SPAG16: variants seen among roughly 807,000 people sequenced by gnomAD.
SPAG16 encodes sperm associated antigen 16.
Under a neutral mutation model 80.4 loss-of-function variants are expected in SPAG16, and 86 were observed. That is an observed-to-expected ratio of 1.07 (90% CI 0.90 to 1.28). The LOEUF (loss-of-function observed/expected upper bound fraction) is 1.28, where lower values mean the gene tolerates loss of function less well. SPAG16 is among the 50% of genes most tolerant of loss of function. The pLI is 0.00. For missense variants in SPAG16, 870 were observed against 765.3 expected (o/e 1.14, Z -1.61); for synonymous variants, 294 against 265.9 (o/e 1.11, Z -1.03).
At chr2:213,319,066 G>A (rs2063516019) in intron 5 of SPAG16, among the ~76,000 whole-genome samples, 1 of 151,898 alleles carries the variant, frequency 6.6e-6, no homozygotes, top group Admixed American at 6.6e-5. Context: ...TTAACTTGGG[G>A]TGAATCTGCT....
At chr2:213,804,444 G>T (rs965718902) in intron 10 of SPAG16, among the ~76,000 whole-genome samples, 1 of 152,324 alleles carries the variant, frequency 6.6e-6, no homozygotes, top group East Asian at 1.9e-4. Flanking sequence ...AGCACTTTGG[G>T]AGGCCGAGGC....
At chr2:214,311,074 G>A (rs1490574490) in intron 15 of SPAG16, among the ~76,000 whole-genome samples, 1 of 152,204 alleles carries the variant, frequency 6.6e-6, no homozygotes, top group Non-Finnish European at 1.5e-5. Context: ...GACAGTGGGA[G>A]ATCCATTTCT....
chr2:213,709,805 G>T (rs1054206171), intron 10 of SPAG16, among the ~76,000 whole-genome samples: 4 of 152,092 alleles, frequency 2.6e-5, no homozygotes, highest in African/African-American at 9.7e-5. Context: ...AAGAATATTT[G>T]ATTTCATAAT....
chr2:213,956,484 G>A (rs1162627385), intron 12 of SPAG16, among the ~76,000 whole-genome samples: 1 of 122,072 alleles, frequency 8.2e-6, no homozygotes. Flanking sequence ...GTCTCACTCT[G>A]TCACCCAGGC....
At chr2:214,222,110 CTTTTTTTTTTT>C (rs10694178) in intron 15 of SPAG16, among the ~76,000 whole-genome samples, 3 of 103,628 alleles carry the variant, frequency 2.9e-5, no homozygotes, top group South Asian at 3.6e-4. Context: ...CCTTGCTATT[CTTTTTTTTTTT>C]TTTTTTTTTT....
At chr2:214,349,344 T>C (rs1698259207) in intron 15 of SPAG16, among the ~76,000 whole-genome samples, 1 of 152,236 alleles carries the variant, frequency 6.6e-6, no homozygotes, top group Admixed American at 6.5e-5. Context: ...ATAAATGCAG[T>C]CATACAATAT....
At chr2:214,120,107 T>C (rs1442333997) in intron 14 of SPAG16, among the ~76,000 whole-genome samples, 1 of 151,962 alleles carries the variant, frequency 6.6e-6, no homozygotes, top group East Asian at 1.9e-4. Context: ...CATTATGTTA[T>C]TAAATATTGT....
intron 14 of SPAG16, among the ~76,000 whole-genome samples, chr2:214,108,474 CACA>C (rs1250325387): frequency 2.5e-4 from 22 of 88,476 alleles, no homozygotes; most frequent in Non-Finnish European, 4.0e-4. Flanking sequence ...CACACACACA[CACA>C]CACCCCCACA....
intron 13 of SPAG16, among the ~76,000 whole-genome samples, chr2:214,078,615 T>A (rs897149239): frequency 1.3e-5 from 2 of 152,152 alleles, no homozygotes; most frequent in African/African-American, 4.8e-5. Context: ...TGCTTTTATT[T>A]TACTTTTCTC....
chr2:213,775,137 G>A (rs1235978345), intron 10 of SPAG16, among the ~76,000 whole-genome samples: 6 of 152,266 alleles, frequency 3.9e-5, no homozygotes, highest in African/African-American at 7.2e-5. Context: ...TGCCAAAGAC[G>A]AAAGCATCCT....
intron 6 of SPAG16, among the ~76,000 whole-genome samples, chr2:213,341,188 C>T (rs75835044): frequency 0.011 from 1,633 of 152,216 alleles, 31 homozygotes; most frequent in African/African-American, 0.036. Context: ...AAAAACATCT[C>T]CATTTAACAA....
At chr2:213,795,105 T>C (rs1184810475) in intron 10 of SPAG16, among the ~76,000 whole-genome samples, 1 of 152,190 alleles carries the variant, frequency 6.6e-6, no homozygotes, top group Admixed American at 6.5e-5. Flanking sequence ...CATTTCAGTA[T>C]ATCATTATAG....
At chr2:213,742,136 A>AT (rs11381205) in intron 10 of SPAG16, among the ~76,000 whole-genome samples, 147,853 of 148,422 alleles carry the variant, frequency 1, 73,642 homozygotes, top group Non-Finnish European at 1. Context: ...TGTGTTTAGT[A>AT]TTTTTTTTTT....
intron 10 of SPAG16, among the ~76,000 whole-genome samples, chr2:213,686,674 C>CTTTTTTTT (rs748200040): frequency 3.5e-5 from 3 of 86,104 alleles, no homozygotes; most frequent in Non-Finnish European, 4.9e-5. Context: ...ATTAATCCAC[C>CTTTTTTTT]TTTTTTTTTT....
chr2:213,390,882 A>G (rs1019068739), intron 9 of SPAG16, among the ~76,000 whole-genome samples: 1 of 152,232 alleles, frequency 6.6e-6, no homozygotes, highest in African/African-American at 2.4e-5. Context: ...TATAGCTATT[A>G]AAATAACAGC....
intron 10 of SPAG16, among the ~76,000 whole-genome samples, chr2:213,656,511 A>G (rs1223396398): frequency 6.6e-6 from 1 of 152,184 alleles, no homozygotes; most frequent in African/African-American, 2.4e-5. Context: ...AGATTTGCAC[A>G]TTTTTACCTC....
At chr2:214,201,237 T>C (rs546101933) in intron 15 of SPAG16, among the ~76,000 whole-genome samples, 1 of 152,286 alleles carries the variant, frequency 6.6e-6, no homozygotes, top group Non-Finnish European at 1.5e-5. Context: ...AAATCCAAAA[T>C]AGAGATTCCT....
At chr2:213,563,237 T>G (rs1436484291) in intron 10 of SPAG16, among the ~76,000 whole-genome samples, 1 of 152,232 alleles carries the variant, frequency 6.6e-6, no homozygotes, top group Non-Finnish European at 1.5e-5. Flanking sequence ...TCTGATTGCT[T>G]CTTTTAAATG....
Position 213,562,744 on chromosome 2 carries a change from C to T in SPAG16, c.1070+72654C>T, listed in dbSNP as rs115833633. Among the ~76,000 whole-genome samples the T allele has an allele frequency of 7.3e-4, 111 of 152,010 alleles. 2 individuals are homozygous for T. The highest frequency in any genetic ancestry group is 3.4e-3 in the Middle Eastern group (1 of 294). On this transcript the variant is annotated intron_variant, in intron 10 of 15. Coordinates refer to ENST00000331683, the MANE Select transcript of SPAG16 (RefSeq NM_024532.5). ...GGGGCAGATCTGATGCCTGGTGAGGCCAATGTCATATTTATAGATGGTGCT... is the reference window on the plus strand; with the variant it reads ...GGGGCAGATCTGATGCCTGGTGAGGTCAATGTCATATTTATAGATGGTGCT...
Sources: gnomAD v4.1 joint callset for allele counts (sites outside exome capture counted in the v4.1 genomes callset) on GRCh38, gnomAD v4.1.1 for gene constraint, MANE v1.5 for transcripts, NCBI Gene and HGNC (gene_info 2026-07-23, HGNC 2026-07-21) for gene names.